LDB2: variants seen among roughly 807,000 people sequenced by gnomAD.
LDB2 encodes the protein LIM domain-binding protein 2.
Under a neutral mutation model 44.3 loss-of-function variants are expected in LDB2, and 12 were observed. The ratio of observed to expected loss-of-function variants is 0.27; its 90% CI spans 0.17 to 0.44. The LOEUF is 0.44. Among genes scored for constraint, LDB2 ranks in the 20% least tolerant of loss-of-function variants. LDB2 has a pLI of 1.00. For synonymous variants in LDB2, 164 were observed against 174.8 expected (o/e 0.94, Z 0.49); for missense variants, 344 against 473.5 (o/e 0.73, Z 2.54).
At chr4:16,720,308 C>T (rs1757988578) in intron 2 of LDB2, among the ~76,000 whole-genome samples, 1 of 152,036 alleles carries the variant, frequency 6.6e-6, no homozygotes, top group African/African-American at 2.4e-5. Flanking sequence ...GCCTTAAGAG[C>T]AGAGCTGAGG....
chr4:16,613,738 A>G (rs1407975167), intron 2 of LDB2, among the ~76,000 whole-genome samples: 3 of 152,176 alleles, frequency 2.0e-5, no homozygotes, highest in Non-Finnish European at 4.4e-5. Flanking sequence ...TTCAAGGAGA[A>G]CTACAAACCA....
chr4:16,715,449 T>C (rs761583521), intron 2 of LDB2, among the ~76,000 whole-genome samples: 3 of 152,212 alleles, frequency 2.0e-5, no homozygotes, highest in Non-Finnish European at 4.4e-5. Context: ...TCTACTATGC[T>C]TTTCTTGCTA....
At chr4:16,754,589 A>G (rs888545893) in intron 2 of LDB2, among the ~76,000 whole-genome samples, 14 of 150,044 alleles carry the variant, frequency 9.3e-5, no homozygotes, top group African/African-American at 2.5e-5. Flanking sequence ...GTGCAGTGGC[A>G]TGATCTTGGT....
chr4:16,801,665 G>A (rs1777858057), intron 1 of LDB2, among the ~76,000 whole-genome samples: 5 of 152,164 alleles, frequency 3.3e-5, no homozygotes, highest in Admixed American at 3.3e-4. Context: ...ACATAATAAT[G>A]TTCATCACTC....
chr4:16,726,244 T>G (rs1454521982), intron 2 of LDB2: 1 of 152,132 alleles, frequency 6.6e-6, no homozygotes, highest in South Asian at 2.1e-4. Context: ...CAGTTTACAG[T>G]AAAAACCTGT....
At chr4:16,882,747 T>A (rs1328785490) in intron 1 of LDB2, among the ~76,000 whole-genome samples, 1 of 152,174 alleles carries the variant, frequency 6.6e-6, no homozygotes, top group East Asian at 1.9e-4. Flanking sequence ...ATGTGAAGTT[T>A]TGAGTCCAGA....
chr4:16,528,641 T>A (rs1465830523), intron 5 of LDB2, among the ~76,000 whole-genome samples: 1 of 152,228 alleles, frequency 6.6e-6, no homozygotes, highest in African/African-American at 2.4e-5. Context: ...GCAGCAGGCC[T>A]TCAAATTGGT....
chr4:16,835,580 C>T (rs1291303649), intron 1 of LDB2, among the ~76,000 whole-genome samples: 2 of 152,014 alleles, frequency 1.3e-5, no homozygotes, highest in African/African-American at 4.8e-5. Context: ...TATAAGTGTC[C>T]CTGTAGATAT....
At chr4:16,699,015 T>C (rs371434828) in intron 2 of LDB2, among the ~76,000 whole-genome samples, 1 of 152,234 alleles carries the variant, frequency 6.6e-6, no homozygotes. Context: ...TGTCAGGAAT[T>C]GGGCATCTTA....
chr4:16,510,462 A>G (rs1721292593), intron 6 of LDB2, among the ~76,000 whole-genome samples: 8 of 152,140 alleles, frequency 5.3e-5, no homozygotes, highest in Admixed American at 5.2e-4. Flanking sequence ...ACTCAGGCCC[A>G]CTCCTGACAA....
At chr4:16,573,576 C>A (rs187779331) in intron 5 of LDB2, among the ~76,000 whole-genome samples, 83 of 152,266 alleles carry the variant, frequency 5.5e-4, no homozygotes, top group African/African-American at 1.9e-3. Flanking sequence ...TAAAAGCCAG[C>A]AGTGACCCAT....
chr4:16,686,100 AT>A (rs1376170204), intron 2 of LDB2, among the ~76,000 whole-genome samples: 1 of 152,166 alleles, frequency 6.6e-6, no homozygotes, highest in Non-Finnish European at 1.5e-5. Context: ...ATCAAAGCTA[AT>A]CACAATATTA....
chr4:16,546,906 T>G (rs1294169339), intron 5 of LDB2, among the ~76,000 whole-genome samples: 1 of 152,202 alleles, frequency 6.6e-6, no homozygotes, highest in African/African-American at 2.4e-5. Flanking sequence ...CCCACTCTTC[T>G]GCTCTAGGTC....
intron 2 of LDB2, among the ~76,000 whole-genome samples, chr4:16,709,897 C>T (rs184780389): frequency 2.1e-4 from 32 of 152,230 alleles, no homozygotes; most frequent in African/African-American, 5.8e-4. Context: ...GCCAATTTTA[C>T]GCATCCATAC....
intron 2 of LDB2, among the ~76,000 whole-genome samples, chr4:16,726,076 T>C (rs2152689883): frequency 6.6e-6 from 1 of 151,774 alleles, no homozygotes; most frequent in African/African-American, 2.4e-5. Context: ...AAAATTTTTA[T>C]TTTAACATTA....
intron 1 of LDB2, among the ~76,000 whole-genome samples, chr4:16,789,574 T>G (rs287959): frequency 0.82 from 124,445 of 152,146 alleles, 53,505 homozygotes; most frequent in Non-Finnish European, 0.97. Flanking sequence ...CTACCATTTG[T>G]CCATTTACTC....
rs1774058644 is a variant in LDB2 at position 16,784,902 on chromosome 4, G to A, written c.133-25642C>T. On this transcript the variant is annotated intron_variant, in intron 1 of 7. Transcript: ENST00000304523. Reference sequence around the variant, plus strand: ...CTCACTGGTGCTCTGCTCCCTGGGTGTAGACTGTCGACACCCCTTTGCTCT... The same window carrying A: ...CTCACTGGTGCTCTGCTCCCTGGGTATAGACTGTCGACACCCCTTTGCTCT... 2.6e-5 allele frequency among the ~76,000 whole-genome samples: 4 copies of A among 152,114 alleles called. No homozygotes were observed. The South Asian group carries it at 8.3e-4, about 31-fold the overall frequency.
intron 2 of LDB2, among the ~76,000 whole-genome samples, chr4:16,710,932 T>A (rs1229022550): frequency 6.6e-6 from 1 of 152,174 alleles, no homozygotes; most frequent in Non-Finnish European, 1.5e-5. Context: ...CCTTATTGCC[T>A]GTGGCTGGGA....
intron 2 of LDB2, chr4:16,674,374 C>T: frequency 3.6e-6 from 3 of 827,700 alleles, no homozygotes; most frequent in Admixed American, 4.7e-5. Context: ...AGCAGTTGCC[C>T]TGGAGGCGGT....
Sources: gnomAD v4.1 joint callset for allele counts (sites outside exome capture counted in the v4.1 genomes callset) on GRCh38, gnomAD v4.1.1 for gene constraint, MANE v1.5 for transcripts, NCBI Gene and HGNC (gene_info 2026-07-23, HGNC 2026-07-21) for gene names.